The following WBP11 variants were observed in gnomAD, a reference collection of about 807,000 sequenced individuals.
The protein encoded by WBP11 is WW domain-binding protein 11.
WBP11 carries 12 observed loss-of-function variants against 66.7 expected under a neutral mutation model. That is an observed-to-expected ratio of 0.18 (90% CI 0.12 to 0.29). The LOEUF is 0.29. Ranked by LOEUF, WBP11 falls within the 10% of genes least tolerant of loss-of-function variation. The probability of loss-of-function intolerance (pLI) is 1.00; values close to 1 mark genes in which losing one functional copy is unlikely to be tolerated. For synonymous variants in WBP11, 255 were observed against 273.8 expected (o/e 0.93, Z 0.68); for missense variants, 555 against 818.3 (o/e 0.68, Z 3.93).
At position 14,786,797 on chromosome 12, in the gene WBP11, TGGA is replaced by T; in HGVS notation, c.*265_*267del. On this transcript the variant is annotated 3_prime_UTR_variant, in exon 12 of 12. Coordinates refer to ENST00000261167, the MANE Select transcript of WBP11 (RefSeq NM_016312.3). ...CCCCGATCACAAATTTCCAAAGAAC[TGGA>T]GGAGGGGAAGAAACAGGGTGAAAAT... 1 of 329,022 alleles carries T rather than the reference TGGA, an allele frequency of 3.0e-6. No individual in the cohort carries two copies. Among genetic ancestry groups the T allele is most frequent in the Non-Finnish European group, 5.6e-6 (1 of 178,536 alleles). The allele number at this position is 329,022 out of a possible 1,614,324, so 20.4% of individuals were successfully genotyped here.
chr12:14,790,730 C>T lies in WBP11; in HGVS notation c.1035G>A (p.Glu345=). The T allele has an allele frequency of 6.2e-7, 1 of 1,613,350 alleles. No individual in the cohort carries two copies. The highest frequency in any genetic ancestry group is 8.5e-7 in the Non-Finnish European group (1 of 1,179,512). The stretch of plus-strand genomic sequence containing the variant: ...CTGAAAATTCCTCTACTTCCCGTCC[C>T]TCCTCAGGGATTTCTTGACCTGAAA... ...LRMAGQEIPE[E]GREVEEFSED... The change falls in exon 10 of 12, where the codon GAG becomes GAA. Residue 345 remains glutamate, a synonymous_variant. Transcript: ENST00000261167.
At chr12:14,800,714 A>G (rs1949952267) in intron 3 of WBP11, 38 bp downstream of exon 3, 2 of 1,562,128 alleles carry the variant, frequency 1.3e-6, no homozygotes, top group South Asian at 2.3e-5. Flanking sequence ...TGTACCAAAC[A>G]ATACTTAAAG....
In WBP11 at chr12:14,796,793, A is replaced by T; in HGVS notation, c.387+14T>A. The T allele has an allele frequency of 6.3e-7, 1 of 1,577,442 alleles. No individual in the cohort carries two copies. Among genetic ancestry groups the T allele is most frequent in the Non-Finnish European group, 8.5e-7 (1 of 1,170,560 alleles). On this transcript the variant is annotated intron_variant, in intron 5 of 11. Transcript: ENST00000261167. The surrounding 1 kb of genome is among the most constrained non-coding windows in gnomAD (Gnocchi z 4.5). The stretch of plus-strand genomic sequence containing the variant: ...ATATTTTAGTTTATCTCTCAAAAAA[A>T]AAACCTTGATTACCTTGACAGCATC...
rs1308517730 is a variant in WBP11 at position 14,794,625 on chromosome 12, G to A, written c.633C>T (p.Val211=). The A allele has an allele frequency of 8.1e-6, 13 of 1,613,806 alleles. No homozygotes were observed. Among genetic ancestry groups the A allele is most frequent in the Middle Eastern group, 1.6e-4 (1 of 6,084 alleles). ...GPPPGPPPPQ[V]VQMYGRKVGF... ...CCACTTTACGGCCATACATCTGCACGACTTGAGGAGGAGGTGGACCAGGGG... is the reference window on the plus strand; with the variant it reads ...CCACTTTACGGCCATACATCTGCACAACTTGAGGAGGAGGTGGACCAGGGG... The change falls in exon 7 of 12, where the codon GTC becomes GTT. Residue 211 remains valine, a synonymous_variant. Transcript: ENST00000261167.
intron 3 of WBP11, among the ~76,000 whole-genome samples, chr12:14,799,980 A>G (rs1163374514): frequency 1.3e-5 from 2 of 152,226 alleles, no homozygotes; most frequent in Admixed American, 1.3e-4. Flanking sequence ...TTACTTAAAC[A>G]CACATACACT....
chr12:14,786,893 C>G lies in WBP11; in HGVS notation c.*172G>C. 3.0e-6 allele frequency: 2 copies of G among 676,382 alleles called. No individual in the cohort carries two copies. Among genetic ancestry groups the G allele is most frequent in the South Asian group, 2.1e-5 (1 of 48,646 alleles). The allele number at this position is 676,382 out of a possible 1,614,324, so 41.9% of individuals were successfully genotyped here. Reference sequence around the variant, plus strand: ...AACTGATCTATTCTGGATGAAATACCCTTTTTTATGTGCAGTAAATTCTGA... The same window carrying G: ...AACTGATCTATTCTGGATGAAATACGCTTTTTTATGTGCAGTAAATTCTGA... On this transcript the variant is annotated 3_prime_UTR_variant, in exon 12 of 12. Transcript: ENST00000261167.
At chr12:14,791,323 A>G in intron 8 of WBP11, 53 bp from the exon 9 acceptor site, 3 of 1,480,382 alleles carry the variant, frequency 2.0e-6, no homozygotes, top group Non-Finnish European at 2.8e-6. Flanking sequence ...AAATTCAGTA[A>G]ATGTTTACTA....
intron 2 of WBP11, 138 bp downstream of exon 2, chr12:14,801,182 C>T: frequency 1.4e-6 from 1 of 732,594 alleles, no homozygotes; most frequent in Middle Eastern, 2.5e-4. Flanking sequence ...CTTAATGTGC[C>T]CATACAAACC....
At chr12:14,794,832 T>G (rs1364026470) in intron 6 of WBP11, 96 bp from the exon 7 acceptor site, 31 of 1,544,046 alleles carry the variant, frequency 2.0e-5, no homozygotes, top group Non-Finnish European at 2.7e-5. Context: ...TTTCAAGGGA[T>G]TTCTTATTTT....
chr12:14,792,652 G>C (rs932455110), intron 8 of WBP11, among the ~76,000 whole-genome samples: 1 of 152,006 alleles, frequency 6.6e-6, no homozygotes. Flanking sequence ...GGCCAACACG[G>C]TGAAACCCTG....
rs745695070 is a variant in WBP11 at position 14,796,799 on chromosome 12, T to G, written c.387+8A>C. On this transcript the variant is annotated splice_region_variant and intron_variant, in intron 5 of 11. Transcript: ENST00000261167. This position sits in a 1 kb window ranked among gnomAD's most constrained non-coding sequence, Gnocchi z 4.5. The stretch of plus-strand genomic sequence containing the variant: ...TAGTTTATCTCTCAAAAAAAAAACC[T>G]TGATTACCTTGACAGCATCAAAATA... 7 of 1,575,308 alleles carry G rather than the reference T, an allele frequency of 4.4e-6. No homozygotes were observed. Among genetic ancestry groups the G allele is most frequent in the Non-Finnish European group, 6.0e-6 (7 of 1,169,330 alleles).
chr12:14,795,131 T>A (rs759159394), intron 5 of WBP11, 27 bp from the exon 6 acceptor site: 1 of 1,538,424 alleles, frequency 6.5e-7, no homozygotes, highest in Non-Finnish European at 8.7e-7. Context: ...TTCAGTAGTA[T>A]GATAAAAAAG....
At chr12:14,792,495 A>G in intron 8 of WBP11, among the ~76,000 whole-genome samples, 1 of 131,604 alleles carries the variant, frequency 7.6e-6, no homozygotes, top group Non-Finnish European at 1.8e-5. Context: ...ATCAACTCAG[A>G]GTTGGGACGG....
chr12:14,790,832 T>G, intron 9 of WBP11, 83 bp from the exon 10 acceptor site: 1 of 1,297,938 alleles, frequency 7.7e-7, no homozygotes. Context: ...ATACACATGG[T>G]TAATAAATGT....
At chr12:14,799,330 G>A (rs1200029858) in intron 4 of WBP11, 2 of 191,586 alleles carry the variant, frequency 1.0e-5, no homozygotes, top group Non-Finnish European at 1.1e-5. Context: ...AAAACCCAAG[G>A]TTATTTCATA....
chr12:14,799,190 C>T lies in WBP11; in HGVS notation c.190+445G>A, dbSNP rs551727837. Among the ~76,000 whole-genome samples the T allele has an allele frequency of 1.8e-4, 28 of 152,048 alleles. No homozygotes were observed. In the South Asian group the frequency reaches 5.6e-3, roughly 30 times the overall value. ...GGTATTTGATGATTTTTTTCTATAT[C>T]CTTACTAAATGGATAAGTATCTTTT... On this transcript the variant is annotated intron_variant, in intron 4 of 11. Coordinates refer to ENST00000261167, the MANE Select transcript of WBP11 (RefSeq NM_016312.3).
chr12:14,801,242 C>A, intron 2 of WBP11, 78 bp downstream of exon 2: 5 of 1,421,116 alleles, frequency 3.5e-6, no homozygotes, highest in Non-Finnish European at 4.0e-6. Context: ...GTAATTAAGC[C>A]ACAGAGAAAG....
At chr12:14,800,957 A>T (rs1001831836) in intron 2 of WBP11, 174 bp from the exon 3 acceptor site, 14 of 516,306 alleles carry the variant, frequency 2.7e-5, no homozygotes, top group Non-Finnish European at 4.4e-5. Flanking sequence ...AATTATGACA[A>T]CCAAAAATGT....
At chr12:14,800,567 T>G (rs1949950199) in intron 3 of WBP11, among the ~76,000 whole-genome samples, 185 bp downstream of exon 3, 1 of 152,112 alleles carries the variant, frequency 6.6e-6, no homozygotes, top group African/African-American at 2.4e-5. Flanking sequence ...TGTAGTGAGC[T>G]TCTCTGCAAA....
Sources: gnomAD v4.1 joint callset for allele counts (sites outside exome capture counted in the v4.1 genomes callset) on GRCh38, gnomAD v4.1.1 for gene constraint, Gnocchi (gnomAD v3.1) non-coding constraint, MANE v1.5 for transcripts, NCBI Gene and HGNC (gene_info 2026-07-23, HGNC 2026-07-21) for gene names.